RNF114: variants seen among roughly 807,000 people sequenced by gnomAD.
The protein encoded by RNF114 is ring finger protein 114, also known as E3 ubiquitin-protein ligase RNF114.
Under a neutral mutation model 28.4 loss-of-function variants are expected in RNF114, and 6 were observed. The ratio of observed to expected loss-of-function variants is 0.21; its 90% CI spans 0.12 to 0.42. The LOEUF is 0.42. RNF114 is among the 10% of genes least tolerant of loss of function. The pLI, the probability that RNF114 is intolerant of heterozygous loss-of-function variation, is 1.00. For missense variants in RNF114, 249 were observed against 311.7 expected, an observed-to-expected ratio of 0.80 and a Z score of 1.51; for synonymous variants, 115 against 116.7, an observed-to-expected ratio of 0.99 and a Z score of 0.09.
chr20:49,950,317 C>T (rs1230496109), intron 5 of RNF114, among the ~76,000 whole-genome samples: 1 of 151,848 alleles, frequency 6.6e-6, no homozygotes, highest in African/African-American at 2.4e-5. Flanking sequence ...TTTCCATCTC[C>T]TAGCCCTGCC....
Position 49,936,426 on chromosome 20 carries a change from A to C in RNF114, c.14A>C (p.Gln5Pro), listed in dbSNP as rs749499097. Reference sequence around the variant, plus strand: ...AGCGGCAGCAAGATGGCGGCGCAACAGCGGGACTGCGGGGGTGCTGCGCAG... The same window carrying C: ...AGCGGCAGCAAGATGGCGGCGCAACCGCGGGACTGCGGGGGTGCTGCGCAG... MAAQ[Q>P]RDCGGAAQLA... The change falls in exon 1 of 6, where the codon CAG becomes CCG. Residue 5 changes from glutamine to proline, a missense_variant. Transcript: ENST00000244061. The C allele has an allele frequency of 5.4e-5, 82 of 1,521,890 alleles. No individual in the cohort carries two copies. Among genetic ancestry groups the C allele is most frequent in the Non-Finnish European group, 7.0e-5 (79 of 1,135,580 alleles). 94.3% of individuals were successfully genotyped at this position (1,521,890 alleles called of 1,614,324 possible).
At position 49,952,501 on chromosome 20, in the gene RNF114, G is replaced by C. The variant is rs1303779465; in HGVS notation, c.*360G>C. The C allele has an allele frequency of 2.2e-6, 1 of 452,844 alleles. No homozygotes were observed. 28.1% of individuals were successfully genotyped at this position (452,844 alleles called of 1,614,324 possible). A position where few individuals can be genotyped will look rare whatever the true frequency, so the allele number is the denominator to read the frequency against. On this transcript the variant is annotated 3_prime_UTR_variant, in exon 6 of 6. Transcript: ENST00000244061. ...AGTGTTTGTCTCTCGGGTCCTTCAAGCCAGCCAGGACCTTTTCTGGGTCAT... is the reference window on the plus strand; with the variant it reads ...AGTGTTTGTCTCTCGGGTCCTTCAACCCAGCCAGGACCTTTTCTGGGTCAT...
At chr20:49,949,133 C>A in intron 4 of RNF114, 115 bp from the exon 5 acceptor site, 1 of 793,350 alleles carries the variant, frequency 1.3e-6, no homozygotes, top group Non-Finnish European at 2.2e-6. Context: ...AGTTACTGGC[C>A]CTGGACAGTA....
chr20:49,949,751 TCTCCTGCCTCAGC>T, intron 5 of RNF114, among the ~76,000 whole-genome samples: 1 of 152,186 alleles, frequency 6.6e-6, no homozygotes, highest in Middle Eastern at 3.4e-3. Context: ...TTCAAGTGAT[TCTCCTGCCTCAGC>T]CTCCTGAGTA....
chr20:49,941,769 G>A (rs748432624), intron 2 of RNF114, 58 bp downstream of exon 2: 30 of 1,566,976 alleles, frequency 1.9e-5, no homozygotes, highest in Middle Eastern at 1.7e-4. Context: ...GGGGTAAAAC[G>A]TACAGCTGCC....
rs1443484485 is a variant in RNF114 at position 49,949,254 on chromosome 20, C to A, written c.520C>A (p.Pro174Thr). Reference protein sequence around the residue: ...HSTDTKSVVCPICASMPWGDP... With the variant: ...HSTDTKSVVCTICASMPWGDP... ...CTTGCTTTTGTGTTGAAAGGTTTGT[C>A]CGATATGTGCCTCGATGCCCTGGGG... is the stretch of plus-strand genomic sequence containing the variant. Residue 174 changes from proline (P) to threonine (T), a missense_variant, in exon 5 of 6, where the codon CCG (proline) becomes ACG (threonine). Pro to Thr is a conservative substitution (Grantham distance 38). This residue lies in a region of RNF114 where 126 missense variants were observed against 205.3 expected (regional missense o/e 0.61). Transcript: ENST00000244061. The A allele has an allele frequency of 6.2e-7, 1 of 1,614,012 alleles. No homozygotes were observed. The highest frequency in any genetic ancestry group is 1.3e-5 in the African/African-American group (1 of 75,042).
chr20:49,940,053 CAAAAAAAA>C (rs71190515), intron 1 of RNF114, among the ~76,000 whole-genome samples: 2 of 75,556 alleles, frequency 2.6e-5, no homozygotes, highest in Admixed American at 1.6e-4. Flanking sequence ...GACTCTGTCT[CAAAAAAAA>C]AAAAAAAAAA....
At chr20:49,948,893 A>T (rs2090345338) in intron 4 of RNF114, among the ~76,000 whole-genome samples, 1 of 152,088 alleles carries the variant, frequency 6.6e-6, no homozygotes, top group South Asian at 2.1e-4. Flanking sequence ...CTTCCCTGGG[A>T]CATTGCTCAT....
chr20:49,942,369 A>G (rs901121108), intron 2 of RNF114, among the ~76,000 whole-genome samples: 3 of 152,376 alleles, frequency 2.0e-5, no homozygotes, highest in African/African-American at 4.8e-5. Context: ...CATACCTGTT[A>G]TAACTGCTAC....
At chr20:49,942,613 A>G (rs1187119089) in intron 2 of RNF114, among the ~76,000 whole-genome samples, 4 of 152,050 alleles carry the variant, frequency 2.6e-5, no homozygotes, top group African/African-American at 9.7e-5. Context: ...GCTTGAGTCC[A>G]GGAGTTCTAG....
At position 49,952,926 on chromosome 20, in the gene RNF114, T is replaced by C. The variant is rs1164201566; in HGVS notation, c.*785T>C. 2 of 152,590 alleles carry C rather than the reference T, an allele frequency of 1.3e-5. No individual in the cohort carries two copies. The highest frequency in any genetic ancestry group is 4.8e-5 in the African/African-American group (2 of 41,450). 9.5% of individuals were successfully genotyped at this position (152,590 alleles called of 1,614,324 possible). ...AGCTTTTTGGTTCTGATTTACAAAT[T>C]AATGAAGTAGTTTCAAACAACGCGG... On this transcript the variant is annotated 3_prime_UTR_variant, in exon 6 of 6. Transcript: ENST00000244061.
chr20:49,939,138 G>A (rs1262847563), intron 1 of RNF114, among the ~76,000 whole-genome samples: 1 of 152,204 alleles, frequency 6.6e-6, no homozygotes, highest in Non-Finnish European at 1.5e-5. Flanking sequence ...CAACTCCTCA[G>A]AAGCAGCTTT....
intron 2 of RNF114, chr20:49,944,627 A>G (rs1340468447): frequency 6.6e-6 from 1 of 152,184 alleles, no homozygotes; most frequent in Non-Finnish European, 1.5e-5. Context: ...ACGCCTGTAA[A>G]CCCAGCACTT....
intron 5 of RNF114, among the ~76,000 whole-genome samples, chr20:49,950,216 A>T (rs1287789980): frequency 6.6e-6 from 1 of 151,778 alleles, no homozygotes; most frequent in East Asian, 2.0e-4. Flanking sequence ...GTGCCACTGC[A>T]CTCCAGCCTG....
intron 2 of RNF114, chr20:49,941,951 A>G: frequency 2.1e-6 from 1 of 473,362 alleles, no homozygotes; most frequent in Non-Finnish European, 3.7e-6. Flanking sequence ...GAAATCAGTT[A>G]TCCCAGTTTT....
At chr20:49,936,898 G>A (rs2090289400) in intron 1 of RNF114, among the ~76,000 whole-genome samples, 3 of 152,182 alleles carry the variant, frequency 2.0e-5, no homozygotes. Context: ...GAGAGCCGAC[G>A]TTTCCTTTCT....
chr20:49,946,905 A>G (rs1474295746), intron 4 of RNF114, among the ~76,000 whole-genome samples: 2 of 148,986 alleles, frequency 1.3e-5, no homozygotes, highest in African/African-American at 2.5e-5. Context: ...ACCTACTGGC[A>G]TGTGTAGTCT....
At chr20:49,942,563 C>T (rs930693793) in intron 2 of RNF114, among the ~76,000 whole-genome samples, 2 of 152,160 alleles carry the variant, frequency 1.3e-5, no homozygotes, top group Admixed American at 6.5e-5. Context: ...TGGTTCATGC[C>T]TGTAATCCCA....
intron 4 of RNF114, 110 bp downstream of exon 4, chr20:49,946,360 GAC>G: frequency 1.6e-6 from 1 of 606,926 alleles, no homozygotes; most frequent in Non-Finnish European, 2.9e-6. Context: ...CACCTAGATT[GAC>G]AGATTGTTAA....
Sources: allele counts gnomAD v4.1 joint callset (sites outside exome capture counted in the v4.1 genomes callset), GRCh38; gene constraint gnomAD v4.1.1; regional missense constraint gnomAD v4.1.1; transcripts MANE v1.5; gene names NCBI Gene and HGNC (gene_info 2026-07-23, HGNC 2026-07-21).